The following STRBP variants were observed in gnomAD, a reference collection of about 807,000 sequenced individuals.
STRBP encodes spermatid perinuclear RNA-binding protein.
In STRBP, 13 loss-of-function variants were observed where a neutral mutation model predicts 80.1. The observed-to-expected ratio is 0.16, with a 90% CI of 0.11 to 0.26. STRBP has a LOEUF of 0.26. Ranked by LOEUF, STRBP falls within the 10% of genes least tolerant of loss-of-function variation. The probability of loss-of-function intolerance (pLI) is 1.00; values close to 1 mark genes in which losing one functional copy is unlikely to be tolerated. For synonymous variants in STRBP, 284 were observed against 291.2 expected (o/e 0.98, Z 0.25); for missense variants, 485 against 815.2 (o/e 0.59, Z 4.93).
intron 11 of STRBP, among the ~76,000 whole-genome samples, chr9:123,153,591 G>A (rs181316894): frequency 1.3e-5 from 2 of 152,176 alleles, no homozygotes; most frequent in African/African-American, 4.8e-5. Context: ...CTGAGCAAAC[G>A]GAGAGTTTCC....
At chr9:123,163,672 G>C (rs902702116) in intron 6 of STRBP, among the ~76,000 whole-genome samples, 2 of 152,108 alleles carry the variant, frequency 1.3e-5, no homozygotes, top group Admixed American at 6.5e-5. Context: ...CTATTTATAA[G>C]CATAGATTGC....
At chr9:123,261,710 C>G (rs962311913) in intron 1 of STRBP, among the ~76,000 whole-genome samples, 1 of 152,232 alleles carries the variant, frequency 6.6e-6, no homozygotes, top group East Asian at 1.9e-4. Context: ...AGCTCATTCA[C>G]AGCTTACTTC....
chr9:123,247,984 TATA>T (rs1393927675), intron 1 of STRBP, among the ~76,000 whole-genome samples: 1 of 152,164 alleles, frequency 6.6e-6, no homozygotes, highest in African/African-American at 2.4e-5. Context: ...TTTAAATCGT[TATA>T]ATAATTCAGT....
intron 6 of STRBP, among the ~76,000 whole-genome samples, chr9:123,168,792 G>A (rs1254686549): frequency 6.6e-6 from 1 of 152,178 alleles, no homozygotes; most frequent in Non-Finnish European, 1.5e-5. Context: ...TCTAGGGAAT[G>A]AGAGGCAGAA....
At chr9:123,191,076 A>G (rs1409586242) in intron 2 of STRBP, among the ~76,000 whole-genome samples, 1 of 152,224 alleles carries the variant, frequency 6.6e-6, no homozygotes, top group Non-Finnish European at 1.5e-5. Flanking sequence ...GAGGGAAATA[A>G]TCAAAAGACA....
At chr9:123,187,084 C>T (rs1041229650) in intron 2 of STRBP, among the ~76,000 whole-genome samples, 1 of 151,942 alleles carries the variant, frequency 6.6e-6, no homozygotes, top group African/African-American at 2.4e-5. Context: ...CTCAAGCCTC[C>T]CAACAATCTC....
intron 4 of STRBP, among the ~76,000 whole-genome samples, chr9:123,175,918 T>C (rs1290873715): frequency 6.6e-6 from 1 of 152,226 alleles, no homozygotes. Flanking sequence ...CTTGGACACT[T>C]ACCATATTGG....
At chr9:123,208,795 C>T (rs1428607287) in intron 2 of STRBP, among the ~76,000 whole-genome samples, 1 of 152,172 alleles carries the variant, frequency 6.6e-6, no homozygotes, top group East Asian at 1.9e-4. Context: ...CTGATAAACC[C>T]TCCAGTCTTT....
In STRBP at chr9:123,200,691, C is replaced by T. The variant is rs952936018; in HGVS notation, c.-164-16393G>A. On this transcript the variant is annotated intron_variant, in intron 2 of 18. Transcript: ENST00000348403. ...CACCCTATTCTCCTGTCTCAGCCTC[C>T]CGAGTAGCTGGGACTACAGGCGCCC... 4.9e-5 allele frequency among the ~76,000 whole-genome samples: 7 copies of T among 141,546 alleles called. No individual in the cohort carries two copies. The Admixed American group carries it at 5.3e-4, about 11-fold the overall frequency. 92.9% of individuals were successfully genotyped at this position (141,546 alleles called of 152,430 possible).
chr9:123,226,088 C>T (rs575151784), intron 2 of STRBP, among the ~76,000 whole-genome samples: 3 of 152,048 alleles, frequency 2.0e-5, no homozygotes, highest in Non-Finnish European at 4.4e-5. Context: ...TACTTCTGGG[C>T]AATAAAAAGA....
intron 13 of STRBP, among the ~76,000 whole-genome samples, chr9:123,142,827 T>TA (rs1360636472): frequency 6.6e-6 from 1 of 152,098 alleles, no homozygotes; most frequent in African/African-American, 2.4e-5. Context: ...ATGTTAATGC[T>TA]AAAAAACCAG....
At chr9:123,230,013 G>C (rs188332267) in intron 2 of STRBP, among the ~76,000 whole-genome samples, 1 of 152,320 alleles carries the variant, frequency 6.6e-6, no homozygotes, top group East Asian at 1.9e-4. Context: ...AACCAGGGTT[G>C]TAAGTTTTGC....
intron 1 of STRBP, among the ~76,000 whole-genome samples, chr9:123,254,658 A>G (rs2040989779): frequency 6.6e-6 from 1 of 152,198 alleles, no homozygotes; most frequent in African/African-American, 2.4e-5. Context: ...AAAATTGCCA[A>G]GATTTAAAAA....
intron 17 of STRBP, among the ~76,000 whole-genome samples, chr9:123,132,021 G>A (rs187644989): frequency 6.6e-6 from 1 of 152,282 alleles, no homozygotes; most frequent in Non-Finnish European, 1.5e-5. Context: ...TCAATATTGT[G>A]AAGAACTTGA....
At chr9:123,150,303 G>A (rs1181458294) in intron 11 of STRBP, among the ~76,000 whole-genome samples, 1 of 152,136 alleles carries the variant, frequency 6.6e-6, no homozygotes, top group Non-Finnish European at 1.5e-5. Flanking sequence ...CAGTATGAGA[G>A]AGTAAATAAG....
intron 6 of STRBP, among the ~76,000 whole-genome samples, chr9:123,164,719 G>C (rs2037679988): frequency 6.6e-6 from 1 of 152,178 alleles, no homozygotes; most frequent in Non-Finnish European, 1.5e-5. Context: ...ATGAAACTGA[G>C]CTACTAAGTC....
chr9:123,154,772 T>C (rs2037208551), intron 11 of STRBP, among the ~76,000 whole-genome samples: 1 of 152,050 alleles, frequency 6.6e-6, no homozygotes, highest in African/African-American at 2.4e-5. Flanking sequence ...GAAAACCTGA[T>C]TAGAATAGGT....
intron 2 of STRBP, among the ~76,000 whole-genome samples, chr9:123,210,046 C>G (rs1244782013): frequency 1.3e-5 from 2 of 152,118 alleles, no homozygotes; most frequent in Non-Finnish European, 2.9e-5. Context: ...ATTTTCTATT[C>G]AGTGGTTGGG....
intron 3 of STRBP, chr9:123,180,867 C>A (rs2038427796): frequency 7.4e-6 from 7 of 940,358 alleles, no homozygotes; most frequent in Non-Finnish European, 8.9e-6. Flanking sequence ...TCTTTACTTA[C>A]ATGAAATTAT....
Sources: gnomAD v4.1 joint callset for allele counts (sites outside exome capture counted in the v4.1 genomes callset) on GRCh38, gnomAD v4.1.1 for gene constraint, MANE v1.5 for transcripts, NCBI Gene and HGNC (gene_info 2026-07-23, HGNC 2026-07-21) for gene names.